MICU1: variants seen among roughly 807,000 people sequenced by gnomAD.
The protein encoded by MICU1 is mitochondrial calcium uptake 1, also known as calcium uptake protein 1, mitochondrial.
MICU1 carries 45 observed loss-of-function variants against 56.8 expected under a neutral mutation model. The observed-to-expected ratio is 0.79, with a 90% CI of 0.62 to 1.02. MICU1 has a LOEUF of 1.02. MICU1 is among the 50% of genes least tolerant of loss of function. The pLI is 0.00. For synonymous variants in MICU1, 186 were observed against 195.1 expected (o/e 0.95, Z 0.39); for missense variants, 504 against 587.1 (o/e 0.86, Z 1.46).
intron 8 of MICU1, among the ~76,000 whole-genome samples, chr10:72,466,533 C>T (rs750096663): frequency 1.3e-5 from 2 of 152,102 alleles, no homozygotes; most frequent in Non-Finnish European, 2.9e-5. Context: ...AGAGGCAAAG[C>T]GGAAGTACAA....
chr10:72,422,041 C>A (rs1039668296), intron 9 of MICU1, among the ~76,000 whole-genome samples: 1 of 152,162 alleles, frequency 6.6e-6, no homozygotes, highest in Non-Finnish European at 1.5e-5. Flanking sequence ...GACCCCACCC[C>A]CTACCCCATT....
chr10:72,375,182 G>C (rs866998791), intron 11 of MICU1, among the ~76,000 whole-genome samples: 2 of 152,128 alleles, frequency 1.3e-5, no homozygotes, highest in Non-Finnish European at 2.9e-5. Flanking sequence ...GATTAAATGA[G>C]CAGATTAACT....
chr10:72,474,042 A>T (rs1866029511), intron 8 of MICU1, among the ~76,000 whole-genome samples: 1 of 152,112 alleles, frequency 6.6e-6, no homozygotes, highest in Admixed American at 6.6e-5. Flanking sequence ...GGATCACATG[A>T]GGTCAGGAGT....
intron 6 of MICU1, among the ~76,000 whole-genome samples, chr10:72,498,608 A>G (rs945635392): frequency 3.3e-5 from 5 of 151,852 alleles, no homozygotes; most frequent in African/African-American, 4.8e-5. Flanking sequence ...AAGAAAGAAA[A>G]AAAGAAGCCT....
chr10:72,563,728 C>A (rs1383219179), intron 2 of MICU1, among the ~76,000 whole-genome samples: 1 of 152,178 alleles, frequency 6.6e-6, no homozygotes, highest in Non-Finnish European at 1.5e-5. Context: ...AAGCCCTCAT[C>A]CACACGTCTT....
chr10:72,510,829 G>T (rs926954201), intron 5 of MICU1, among the ~76,000 whole-genome samples: 2 of 151,916 alleles, frequency 1.3e-5, no homozygotes, highest in African/African-American at 4.8e-5. Context: ...GACGGGTTTT[G>T]CCATGTTGGC....
intron 10 of MICU1, among the ~76,000 whole-genome samples, chr10:72,381,590 C>T (rs967111894): frequency 2.6e-5 from 4 of 152,058 alleles, no homozygotes; most frequent in African/African-American, 4.8e-5. Flanking sequence ...TTGTTCTGTA[C>T]GGTGCTCTTA....
intron 1 of MICU1, among the ~76,000 whole-genome samples, chr10:72,622,347 G>A (rs1307464507): frequency 2.0e-5 from 3 of 151,652 alleles, no homozygotes; most frequent in African/African-American, 7.3e-5. Flanking sequence ...TTTTCTTTAG[G>A]AACTGTCACC....
At chr10:72,422,268 G>A (rs895974623) in intron 9 of MICU1, among the ~76,000 whole-genome samples, 2 of 152,178 alleles carry the variant, frequency 1.3e-5, no homozygotes, top group African/African-American at 4.8e-5. Flanking sequence ...TGAAAAGGCA[G>A]CTACCTGCAA....
rs534417002 is a variant in MICU1 at position 72,440,445 on chromosome 10, T to C, written c.934-17074A>G. 4.6e-5 allele frequency among the ~76,000 whole-genome samples: 7 copies of C among 152,082 alleles called. No individual in the cohort carries two copies. The South Asian group carries it at 1.5e-3, about 32-fold the overall frequency. The stretch of plus-strand genomic sequence containing the variant: ...ATGTTAGACCTAAAACCACAAAAAC[T>C]CTAGAAGAAAACCTAGGCAATACCA... On this transcript the variant is annotated intron_variant, in intron 8 of 11. Coordinates refer to ENST00000361114, the MANE Select transcript of MICU1 (RefSeq NM_001195518.2).
At chr10:72,515,543 C>A (rs1469142105) in intron 5 of MICU1, among the ~76,000 whole-genome samples, 2 of 152,114 alleles carry the variant, frequency 1.3e-5, no homozygotes. Context: ...TAATTCCTTT[C>A]TAGGAAACAA....
intron 6 of MICU1, among the ~76,000 whole-genome samples, chr10:72,497,231 TG>T (rs146184067): frequency 0.027 from 4,116 of 152,094 alleles, 177 homozygotes; most frequent in African/African-American, 0.095. Context: ...GGCTAATTTT[TG>T]TATTTTTAGT....
intron 4 of MICU1, among the ~76,000 whole-genome samples, chr10:72,549,195 T>G (rs1222151949): frequency 6.6e-6 from 1 of 150,808 alleles, no homozygotes; most frequent in African/African-American, 2.4e-5. Context: ...TTTTTGGTTT[T>G]TTTTTTTTTT....
intron 8 of MICU1, among the ~76,000 whole-genome samples, chr10:72,450,073 C>T (rs1286841369): frequency 6.6e-6 from 1 of 151,974 alleles, no homozygotes; most frequent in Non-Finnish European, 1.5e-5. Flanking sequence ...ATGGCGGGCC[C>T]AACACTCTCG....
chr10:72,564,088 A>G (rs2132469696), intron 2 of MICU1, among the ~76,000 whole-genome samples: 1 of 152,352 alleles, frequency 6.6e-6, no homozygotes, highest in Middle Eastern at 3.4e-3. Flanking sequence ...ATTAAATATT[A>G]CAGAACTGAT....
chr10:72,488,177 G>A (rs1221826142), intron 6 of MICU1, among the ~76,000 whole-genome samples: 317 of 115,008 alleles, frequency 2.8e-3, no homozygotes, highest in African/African-American at 0.01. Context: ...TGGGCAACAA[G>A]AGCAAAACTC....
chr10:72,542,034 A>T (rs1839785331), intron 4 of MICU1, among the ~76,000 whole-genome samples: 1 of 152,252 alleles, frequency 6.6e-6, no homozygotes, highest in South Asian at 2.1e-4. Context: ...AGGGAAATGT[A>T]GTAATCATGC....
intron 8 of MICU1, among the ~76,000 whole-genome samples, chr10:72,454,065 A>T (rs1256717766): frequency 1.3e-5 from 2 of 150,942 alleles, no homozygotes; most frequent in Non-Finnish European, 3.0e-5. Flanking sequence ...CAAACTTCTG[A>T]CATCAGGTGA....
intron 9 of MICU1, among the ~76,000 whole-genome samples, chr10:72,413,817 T>C (rs1440265349): frequency 1.3e-5 from 2 of 152,108 alleles, no homozygotes; most frequent in Non-Finnish European, 2.9e-5. Flanking sequence ...ACAACCTGAT[T>C]TAAAAAAAGA....
Sources: allele counts gnomAD v4.1 joint callset (sites outside exome capture counted in the v4.1 genomes callset), GRCh38; gene constraint gnomAD v4.1.1; transcripts MANE v1.5; gene names NCBI Gene and HGNC (gene_info 2026-07-23, HGNC 2026-07-21).